Variants in SCHIP1 observed in about 807,000 individuals in gnomAD.
The protein encoded by SCHIP1 is schwannomin interacting protein 1.
A neutral mutation model predicts 29.7 loss-of-function variants in SCHIP1; 8 were observed. That is an observed-to-expected ratio of 0.27 (90% CI 0.16 to 0.49). The LOEUF (loss-of-function observed/expected upper bound fraction) is 0.49, where lower values mean the gene tolerates loss of function less well. Ranked by LOEUF, SCHIP1 falls within the 20% of genes least tolerant of loss-of-function variation. The pLI, the probability that SCHIP1 is intolerant of heterozygous loss-of-function variation, is 0.99. For missense variants in SCHIP1, 193 were observed against 294.6 expected, an observed-to-expected ratio of 0.66 and a Z score of 2.52; for synonymous variants, 76 against 94.9, an observed-to-expected ratio of 0.80 and a Z score of 1.16.
chr3:159,408,681 G>A, the SCHIP1 span, among the ~76,000 whole-genome samples: 2 of 152,102 alleles, frequency 1.3e-5, no homozygotes, highest in Non-Finnish European at 2.9e-5. Context: ...GGACCCAATG[G>A]CTTCACTGCT....
chr3:159,746,369 C>G, the SCHIP1 span, among the ~76,000 whole-genome samples: 1 of 152,040 alleles, frequency 6.6e-6, no homozygotes, highest in Admixed American at 6.6e-5. Flanking sequence ...GTACATTGTC[C>G]TGATGTGTGG....
chr3:159,750,063 G>A, the SCHIP1 span, among the ~76,000 whole-genome samples: 1 of 151,726 alleles, frequency 6.6e-6, no homozygotes, highest in Non-Finnish European at 1.5e-5. Flanking sequence ...ATCCTTATGG[G>A]AGTTCTTGTT....
At chr3:159,801,822 C>T in the SCHIP1 span, among the ~76,000 whole-genome samples, 7 of 151,850 alleles carry the variant, frequency 4.6e-5, no homozygotes, top group Admixed American at 1.3e-4. Flanking sequence ...AACATCTGCA[C>T]GAGGTAGGAA....
At chr3:159,839,778 C>T (rs909225276), upstream of SCHIP1, 2 of 733,128 alleles carry the variant, frequency 2.7e-6, no homozygotes, top group African/African-American at 1.8e-5. Flanking sequence ...GCCTTTTTCT[C>T]GTTAATGAGG....
chr3:159,543,364 C>T, the SCHIP1 span, among the ~76,000 whole-genome samples: 17 of 105,418 alleles, frequency 1.6e-4, no homozygotes, highest in Admixed American at 9.6e-5. Context: ...CCCCCCTCCC[C>T]CCTCCCCCCA....
At chr3:159,392,403 T>A in the SCHIP1 span, among the ~76,000 whole-genome samples, 2 of 152,104 alleles carry the variant, frequency 1.3e-5, no homozygotes, top group South Asian at 4.1e-4. Flanking sequence ...GCTGGTGCGC[T>A]GCACCCACTA....
chr3:159,626,147 G>GAT, the SCHIP1 span, among the ~76,000 whole-genome samples: 41 of 82,640 alleles, frequency 5.0e-4, 2 homozygotes, highest in African/African-American at 1.4e-3. Context: ...GATATATCTA[G>GAT]ATATATATAT....
the SCHIP1 span, among the ~76,000 whole-genome samples, chr3:159,789,905 G>A: frequency 1.3e-5 from 2 of 152,286 alleles, no homozygotes; most frequent in East Asian, 3.9e-4. Context: ...CCTGGGAGGG[G>A]CAGTCCATCC....
At chr3:159,760,903 C>G in the SCHIP1 span, among the ~76,000 whole-genome samples, 1 of 152,114 alleles carries the variant, frequency 6.6e-6, no homozygotes, top group Non-Finnish European at 1.5e-5. Flanking sequence ...AGAAGATTAG[C>G]AATTAAACAG....
chr3:159,300,651 G>T, the SCHIP1 span, among the ~76,000 whole-genome samples: 2 of 152,156 alleles, frequency 1.3e-5, no homozygotes, highest in Non-Finnish European at 2.9e-5. Context: ...CGACTACAAT[G>T]GCCTGTTTTC....
chr3:159,592,255 C>G, the SCHIP1 span, among the ~76,000 whole-genome samples: 1 of 152,100 alleles, frequency 6.6e-6, no homozygotes, highest in Non-Finnish European at 1.5e-5. Flanking sequence ...CTGTAATCTC[C>G]AAGGTGTTGT....
At chr3:159,286,978 G>C in the SCHIP1 span, among the ~76,000 whole-genome samples, 1 of 152,004 alleles carries the variant, frequency 6.6e-6, no homozygotes, top group East Asian at 1.9e-4. Context: ...GACCTTTGTT[G>C]GATGCACACT....
At chr3:159,747,185 A>G in the SCHIP1 span, among the ~76,000 whole-genome samples, 3 of 152,198 alleles carry the variant, frequency 2.0e-5, no homozygotes, top group Admixed American at 2.0e-4. Flanking sequence ...TCATCTCCTT[A>G]AAGTAGCACC....
At chr3:159,891,993 C>A in intron 5 of SCHIP1, 104 bp from the exon 7 acceptor site, 1 of 1,256,428 alleles carries the variant, frequency 8.0e-7, no homozygotes, top group Non-Finnish European at 1.1e-6. Flanking sequence ...AAATATCTTT[C>A]CTATTATGGG....
At chr3:159,491,452 A>G in the SCHIP1 span, among the ~76,000 whole-genome samples, 1 of 152,158 alleles carries the variant, frequency 6.6e-6, no homozygotes, top group Non-Finnish European at 1.5e-5. Flanking sequence ...ACACCAGGAG[A>G]TTATATCCAG....
the SCHIP1 span, among the ~76,000 whole-genome samples, chr3:159,348,697 A>G: frequency 6.6e-6 from 1 of 152,154 alleles, no homozygotes; most frequent in Non-Finnish European, 1.5e-5. Flanking sequence ...TACACTGAAT[A>G]TTTGCATAAA....
the SCHIP1 span, among the ~76,000 whole-genome samples, chr3:159,691,207 T>TA: frequency 6.6e-6 from 1 of 152,202 alleles, no homozygotes; most frequent in Non-Finnish European, 1.5e-5. Flanking sequence ...CTCCCACGAT[T>TA]ATTGTGTGGG....
At chr3:159,636,857 T>C in the SCHIP1 span, among the ~76,000 whole-genome samples, 1 of 152,178 alleles carries the variant, frequency 6.6e-6, no homozygotes, top group Non-Finnish European at 1.5e-5. Context: ...TAGACCAAAA[T>C]AAACAATTTT....
At chr3:159,823,483 AG>A in the SCHIP1 span, among the ~76,000 whole-genome samples, 1 of 152,152 alleles carries the variant, frequency 6.6e-6, no homozygotes, top group African/African-American at 2.4e-5. Context: ...ATCCTATGGT[AG>A]AGCTCAGTGT....
Sources: allele counts gnomAD v4.1 joint callset (sites outside exome capture counted in the v4.1 genomes callset), GRCh38; gene constraint gnomAD v4.1.1; transcripts MANE v1.5; gene names NCBI Gene and HGNC (gene_info 2026-07-23, HGNC 2026-07-21).